Variants in TMEM150C observed in about 807,000 individuals in gnomAD.
TMEM150C encodes transmembrane protein 150C.
In TMEM150C, 10 loss-of-function variants were observed where a neutral mutation model predicts 29.9. The observed-to-expected ratio is 0.33, with a 90% confidence interval of 0.21 to 0.57. The LOEUF is 0.57. Among genes scored for constraint, TMEM150C ranks in the 20% least tolerant of loss-of-function variants. TMEM150C has a pLI of 0.88. For missense variants in TMEM150C, 251 were observed against 303.6 expected (o/e 0.83, Z 1.29); for synonymous variants, 101 against 112.5 (o/e 0.90, Z 0.64).
chr4:82,543,857 T>A (rs1325385471), intron 1 of TMEM150C, among the ~76,000 whole-genome samples: 1 of 152,204 alleles, frequency 6.6e-6, no homozygotes, highest in Admixed American at 6.5e-5. Context: ...CTCCAATCAG[T>A]TCATTTCCAC....
intron 6 of TMEM150C, 167 bp downstream of exon 6, chr4:82,495,901 C>G (rs1220111432): frequency 1.3e-6 from 1 of 786,104 alleles, no homozygotes; most frequent in Non-Finnish European, 2.0e-6. Context: ...CATCTTGAAG[C>G]AGCTGAACAG....
intron 1 of TMEM150C, among the ~76,000 whole-genome samples, chr4:82,532,532 T>G (rs1416036033): frequency 6.6e-6 from 1 of 152,132 alleles, no homozygotes; most frequent in African/African-American, 2.4e-5. Context: ...AAATATCAAG[T>G]GTCTTAAGAA....
chr4:82,545,833 G>A (rs1034006573), intron 1 of TMEM150C, among the ~76,000 whole-genome samples: 10 of 152,114 alleles, frequency 6.6e-5, no homozygotes, highest in African/African-American at 2.4e-4. Flanking sequence ...GTTGAGGCAT[G>A]AGAATTGCTG....
intron 7 of TMEM150C, among the ~76,000 whole-genome samples, chr4:82,489,002 C>T (rs1219371293): frequency 6.6e-6 from 1 of 152,030 alleles, no homozygotes; most frequent in Non-Finnish European, 1.5e-5. Flanking sequence ...GCCAGCCCAC[C>T]TCAGCCTCCC....
chr4:82,518,945 T>C (rs893390055), intron 1 of TMEM150C, among the ~76,000 whole-genome samples: 2 of 152,234 alleles, frequency 1.3e-5, no homozygotes, highest in Admixed American at 1.3e-4. Flanking sequence ...TCAAATCAGT[T>C]ATACTCCCCC....
At chr4:82,528,271 A>G (rs1040708895) in intron 1 of TMEM150C, among the ~76,000 whole-genome samples, 1 of 152,226 alleles carries the variant, frequency 6.6e-6, no homozygotes, top group Non-Finnish European at 1.5e-5. Context: ...CTCGAACTTC[A>G]GCAGGCATCA....
intron 7 of TMEM150C, among the ~76,000 whole-genome samples, chr4:82,487,851 T>C (rs967340480): frequency 1.3e-5 from 2 of 152,246 alleles, no homozygotes; most frequent in African/African-American, 4.8e-5. Context: ...CTTCTATTCA[T>C]ATTTTAAAGC....
intron 1 of TMEM150C, among the ~76,000 whole-genome samples, 160 bp from the exon 2 acceptor site, chr4:82,504,827 G>T (rs1015608131): frequency 1.3e-5 from 2 of 152,014 alleles, no homozygotes; most frequent in Non-Finnish European, 2.9e-5. Flanking sequence ...TCAGGAGATC[G>T]AGACCATCCT....
At chr4:82,523,383 G>A (rs930907533) in intron 1 of TMEM150C, among the ~76,000 whole-genome samples, 9 of 152,178 alleles carry the variant, frequency 5.9e-5, no homozygotes, top group African/African-American at 9.7e-5. Flanking sequence ...GTAGCCCTGC[G>A]AGAAAGCTGG....
At chr4:82,547,827 T>C (rs1725436420) in intron 1 of TMEM150C, among the ~76,000 whole-genome samples, 2 of 152,168 alleles carry the variant, frequency 1.3e-5, no homozygotes, top group African/African-American at 4.8e-5. Context: ...AGAACTACCA[T>C]TCAACCCAGC....
chr4:82,560,356 T>C lies in TMEM150C; in HGVS notation c.-11+1550A>G, dbSNP rs536553991. On this transcript the variant is annotated intron_variant, in intron 1 of 7. Transcript: ENST00000449862. ...ACATCTATCAACTAGTCATTATTGTTAGCAAAACTTCTTTACCCTTTTATT... is the reference window on the plus strand; with the variant it reads ...ACATCTATCAACTAGTCATTATTGTCAGCAAAACTTCTTTACCCTTTTATT... Among the ~76,000 whole-genome samples the C allele has an allele frequency of 2.6e-5, 4 of 152,354 alleles. No individual in the cohort carries two copies. The East Asian group carries it at 7.7e-4, about 29-fold the overall frequency.
At chr4:82,535,950 C>T (rs1039854750) in intron 1 of TMEM150C, among the ~76,000 whole-genome samples, 6 of 152,050 alleles carry the variant, frequency 3.9e-5, no homozygotes, top group Non-Finnish European at 8.8e-5. Flanking sequence ...GCTGCAACAA[C>T]CAAAAATATC....
At chr4:82,556,913 T>C (rs1217684647) in intron 1 of TMEM150C, among the ~76,000 whole-genome samples, 2 of 152,190 alleles carry the variant, frequency 1.3e-5, no homozygotes, top group African/African-American at 2.4e-5. Context: ...TTTCAACCTA[T>C]AATTAGTAGG....
intron 1 of TMEM150C, among the ~76,000 whole-genome samples, chr4:82,518,113 C>T (rs1424020354): frequency 2.6e-5 from 4 of 151,926 alleles, no homozygotes; most frequent in East Asian, 1.9e-4. Flanking sequence ...GTCAGGAGTT[C>T]GAGACCAGCC....
At chr4:82,551,747 C>G (rs905796103) in intron 1 of TMEM150C, among the ~76,000 whole-genome samples, 9 of 152,092 alleles carry the variant, frequency 5.9e-5, no homozygotes, top group Admixed American at 5.9e-4. Context: ...CCCTAGGATG[C>G]CTCTCAATTA....
intron 7 of TMEM150C, among the ~76,000 whole-genome samples, chr4:82,489,644 G>A (rs1278527873): frequency 6.6e-6 from 1 of 151,882 alleles, no homozygotes; most frequent in Non-Finnish European, 1.5e-5. Flanking sequence ...AAATGTATTG[G>A]TCCTCTGAAA....
At chr4:82,528,341 C>G (rs1053253799) in intron 1 of TMEM150C, among the ~76,000 whole-genome samples, 2 of 152,174 alleles carry the variant, frequency 1.3e-5, no homozygotes, top group Admixed American at 1.3e-4. Flanking sequence ...GAAGTTCTGG[C>G]TCAGTAGGCC....
chr4:82,560,798 A>G (rs1725894918), intron 1 of TMEM150C, among the ~76,000 whole-genome samples: 1 of 152,232 alleles, frequency 6.6e-6, no homozygotes, highest in Non-Finnish European at 1.5e-5. Context: ...GCAGAGAAAG[A>G]TGCAGAAACT....
intron 1 of TMEM150C, among the ~76,000 whole-genome samples, chr4:82,524,993 A>G (rs865967242): frequency 6.6e-6 from 1 of 152,218 alleles, no homozygotes; most frequent in Non-Finnish European, 1.5e-5. Flanking sequence ...GCATGGCTAT[A>G]GTACTGGGGG....
Sources: allele counts gnomAD v4.1 joint callset (sites outside exome capture counted in the v4.1 genomes callset), GRCh38; gene constraint gnomAD v4.1.1; transcripts MANE v1.5; gene names NCBI Gene and HGNC (gene_info 2026-07-23, HGNC 2026-07-21).